The following DRAM1 variants were observed in gnomAD, a reference collection of about 807,000 sequenced individuals.
DRAM1 encodes DNA damage regulated autophagy modulator 1, also known as DNA damage-regulated autophagy modulator protein 1.
A neutral mutation model predicts 28.5 loss-of-function variants in DRAM1; 25 were observed. The observed-to-expected ratio is 0.88, with a 90% CI of 0.64 to 1.23. DRAM1 has a LOEUF of 1.23. DRAM1 is among the 50% of genes most tolerant of loss of function. The pLI is 0.00. For synonymous variants in DRAM1, 113 were observed against 114.2 expected (o/e 0.99, Z 0.07); for missense variants, 249 against 299.2 (o/e 0.83, Z 1.24).
intron 5 of DRAM1, among the ~76,000 whole-genome samples, chr12:101,916,940 A>G (rs1874266687): frequency 6.6e-6 from 1 of 152,228 alleles, no homozygotes; most frequent in African/African-American, 2.4e-5. Context: ...CAGACAACAC[A>G]TTGTGGAAAT....
chr12:101,895,070 GTC>G (rs1355220993), intron 1 of DRAM1, among the ~76,000 whole-genome samples: 1 of 151,046 alleles, frequency 6.6e-6, no homozygotes, highest in Admixed American at 6.6e-5. Context: ...TCCCATTCCT[GTC>G]TCTCTGCCCA....
chr12:101,908,306 T>C lies in DRAM1; in HGVS notation c.463T>C (p.Ser155Pro). 1 of 1,614,194 alleles carries C rather than the reference T, an allele frequency of 6.2e-7. No individual in the cohort carries two copies. Among genetic ancestry groups the C allele is most frequent in the South Asian group, 1.1e-5 (1 of 91,078 alleles). ...YKSCPQWNSLSTCHIRMVISA... is the reference protein window; with the variant it reads ...YKSCPQWNSLPTCHIRMVISA... ...ATCATGTCCCCAGTGGAACAGTCTCTCGACATGCCACATACGGATGGTCAT... is the reference window on the plus strand; with the variant it reads ...ATCATGTCCCCAGTGGAACAGTCTCCCGACATGCCACATACGGATGGTCAT... Residue 155 changes from serine to proline, a missense_variant, in exon 4 of 7, where the codon TCG becomes CCG. By Grantham distance (74) the Ser-to-Pro change is moderately conservative (BLOSUM62 -1). Coordinates refer to ENST00000258534, the MANE Select transcript of DRAM1 (RefSeq NM_018370.3).
Position 101,877,748 on chromosome 12 carries a change from C to A in DRAM1, c.-42C>A. ...CAGCCCGGAGCAACCCGGCGCCCGG[C>A]CCCGCTGGGCGCAGCACTCCGTCGG... On this transcript the variant is annotated 5_prime_UTR_variant, in exon 1 of 7. Transcript: ENST00000258534. This position sits in a 1 kb window ranked among gnomAD's most constrained non-coding sequence, Gnocchi z 4.1. The A allele has an allele frequency of 7.2e-7, 1 of 1,397,180 alleles. No individual in the cohort carries two copies. The highest frequency in any genetic ancestry group is 9.3e-7 in the Non-Finnish European group (1 of 1,070,296). The allele number at this position is 1,397,180 out of a possible 1,614,324, so 86.5% of individuals were successfully genotyped here.
chr12:101,914,370 T>C, intron 5 of DRAM1, 138 bp downstream of exon 5: 1 of 512,820 alleles, frequency 1.9e-6, no homozygotes. Flanking sequence ...GTAATCAATT[T>C]ACTGTCCAAT....
At chr12:101,886,705 T>C (rs1317848604) in intron 1 of DRAM1, among the ~76,000 whole-genome samples, 1 of 152,228 alleles carries the variant, frequency 6.6e-6, no homozygotes, top group Non-Finnish European at 1.5e-5. Flanking sequence ...CCCATGTCTT[T>C]GTATTCTCAT....
chr12:101,885,559 G>A (rs892495788), intron 1 of DRAM1, among the ~76,000 whole-genome samples: 1 of 94,928 alleles, frequency 1.1e-5, no homozygotes, highest in Non-Finnish European at 2.1e-5. Context: ...ACAGAGTTTT[G>A]CTCTGTCACC....
At chr12:101,903,957 A>ACC (rs1566127244) in intron 3 of DRAM1, among the ~76,000 whole-genome samples, 98 of 124,014 alleles carry the variant, frequency 7.9e-4, no homozygotes, top group Non-Finnish European at 2.7e-4. Flanking sequence ...ACACACACAC[A>ACC]CACACCCCTA....
At chr12:101,882,270 G>T (rs1304643249) in intron 1 of DRAM1, among the ~76,000 whole-genome samples, 3 of 150,678 alleles carry the variant, frequency 2.0e-5, no homozygotes. Context: ...CACCCCTCCC[G>T]GCTAATTTTT....
chr12:101,920,229 A>G, intron 6 of DRAM1, 28 bp downstream of exon 6: 1 of 1,512,318 alleles, frequency 6.6e-7, no homozygotes, highest in Non-Finnish European at 9.1e-7. Flanking sequence ...CAAATGTTTT[A>G]AATTGCGGAC....
chr12:101,889,490 GAAGT>G (rs773443056), intron 1 of DRAM1, among the ~76,000 whole-genome samples: 58 of 151,434 alleles, frequency 3.8e-4, no homozygotes, highest in East Asian at 1.2e-3. Flanking sequence ...AAGAAGGAAG[GAAGT>G]AAGGAAGGAA....
chr12:101,880,751 T>G (rs1297971644), intron 1 of DRAM1, among the ~76,000 whole-genome samples: 2 of 152,178 alleles, frequency 1.3e-5, no homozygotes, highest in African/African-American at 4.8e-5. Flanking sequence ...TAAGGTGAAC[T>G]TGAAATGGGA....
intron 3 of DRAM1, among the ~76,000 whole-genome samples, chr12:101,904,426 GGTT>G (rs1873720330): frequency 2.6e-5 from 1 of 39,148 alleles, no homozygotes; most frequent in South Asian, 1.6e-3. Flanking sequence ...GAGCTTTAGG[GGTT>G]TTTTTTTTTT....
intron 1 of DRAM1, chr12:101,890,136 T>C: frequency 2.2e-6 from 1 of 444,546 alleles, no homozygotes; most frequent in Non-Finnish European, 4.5e-6. Flanking sequence ...TGGAGTGCAG[T>C]GGCACGATCT....
chr12:101,907,888 C>T (rs1044944295), intron 3 of DRAM1, among the ~76,000 whole-genome samples: 1 of 152,130 alleles, frequency 6.6e-6, no homozygotes, highest in African/African-American at 2.4e-5. Flanking sequence ...ATGGTGGAGT[C>T]AGGACTTTTA....
intron 1 of DRAM1, chr12:101,890,209 G>C (rs948428674): frequency 1.4e-4 from 51 of 357,740 alleles, no homozygotes; most frequent in African/African-American, 1.0e-3. Context: ...CACCCGAGTA[G>C]CTGGGATTAC....
At chr12:101,915,373 G>A (rs61936581) in intron 5 of DRAM1, among the ~76,000 whole-genome samples, 62 of 152,228 alleles carry the variant, frequency 4.1e-4, no homozygotes, top group East Asian at 7.7e-4. Context: ...GAAAGGGAGC[G>A]TGGAATGTTA....
intron 2 of DRAM1, 35 bp from the exon 3 acceptor site, chr12:101,901,256 T>C: frequency 6.3e-7 from 1 of 1,596,018 alleles, no homozygotes; most frequent in Non-Finnish European, 8.5e-7. Context: ...AGACATCAAA[T>C]TATGAACATT....
intron 1 of DRAM1, among the ~76,000 whole-genome samples, chr12:101,880,278 C>CTTTTTTTTTTTT (rs61082909): frequency 2.9e-5 from 2 of 70,096 alleles, no homozygotes; most frequent in Admixed American, 3.7e-4. Flanking sequence ...GCAATGCTTC[C>CTTTTTTTTTTTT]TTTTTTTTTT....
At chr12:101,917,022 T>G (rs999410609) in intron 5 of DRAM1, among the ~76,000 whole-genome samples, 1 of 152,240 alleles carries the variant, frequency 6.6e-6, no homozygotes. Flanking sequence ...AAGGACATTT[T>G]TCAAAGGCAA....
Sources: gnomAD v4.1 joint callset for allele counts (sites outside exome capture counted in the v4.1 genomes callset) on GRCh38, gnomAD v4.1.1 for gene constraint, Gnocchi (gnomAD v3.1) non-coding constraint, MANE v1.5 for transcripts, NCBI Gene and HGNC (gene_info 2026-07-23, HGNC 2026-07-21) for gene names.